The following NRG1 variants were observed in gnomAD, a reference collection of about 807,000 sequenced individuals.
NRG1 encodes the protein neuregulin 1, also known as pro-neuregulin-1, membrane-bound isoform.
Under a neutral mutation model 63.8 loss-of-function variants are expected in NRG1, and 18 were observed. That is an observed-to-expected ratio of 0.28 (90% CI 0.19 to 0.42). The LOEUF (loss-of-function observed/expected upper bound fraction) is 0.42, where lower values mean the gene tolerates loss of function less well. Among genes scored for constraint, NRG1 ranks in the 10% least tolerant of loss-of-function variants. The pLI, the probability that NRG1 is intolerant of heterozygous loss-of-function variation, is 1.00. For synonymous variants in NRG1, 302 were observed against 301.3 expected, an observed-to-expected ratio of 1.00 and a Z score of -0.02; for missense variants, 762 against 814.7, an observed-to-expected ratio of 0.94 and a Z score of 0.79.
At chr8:31,840,349 C>CTTTTTTTTTTTTTTTTTTTTT (rs71992716) in intron 1 of NRG1, among the ~76,000 whole-genome samples, 1 of 116,866 alleles carries the variant, frequency 8.6e-6, no homozygotes, top group Non-Finnish European at 1.7e-5. Flanking sequence ...TATTCTCTGT[C>CTTTTTTTTTTTTTTTTTTTTT]TTTTTTTTTT....
chr8:32,740,816 T>C (rs1251436885), intron 6 of NRG1, among the ~76,000 whole-genome samples: 1 of 152,236 alleles, frequency 6.6e-6, no homozygotes, highest in Non-Finnish European at 1.5e-5. Context: ...GTTTTGTTCA[T>C]ATCTCTTTGA....
chr8:32,523,894 C>G (rs1024708514), intron 1 of NRG1, among the ~76,000 whole-genome samples: 1 of 152,008 alleles, frequency 6.6e-6, no homozygotes, highest in Non-Finnish European at 1.5e-5. Context: ...ATAGGAGTTG[C>G]AAACAGTAGG....
chr8:32,284,974 T>C (rs757123343), intron 1 of NRG1, among the ~76,000 whole-genome samples: 1 of 152,174 alleles, frequency 6.6e-6, no homozygotes, highest in Non-Finnish European at 1.5e-5. Flanking sequence ...TGGATAACAT[T>C]TTCCTTTGCA....
At chr8:32,264,620 C>T (rs1411186649) in intron 1 of NRG1, among the ~76,000 whole-genome samples, 4 of 152,152 alleles carry the variant, frequency 2.6e-5, no homozygotes, top group Admixed American at 1.3e-4. Flanking sequence ...ATTTGCAATG[C>T]ACTGTGGTAA....
chr8:31,921,121 T>A (rs1353151371), intron 1 of NRG1, among the ~76,000 whole-genome samples: 1 of 152,190 alleles, frequency 6.6e-6, no homozygotes, highest in Admixed American at 6.5e-5. Flanking sequence ...AATACCTTCC[T>A]ACTGAGGTAC....
intron 1 of NRG1, among the ~76,000 whole-genome samples, chr8:32,463,874 C>CTTTTTTTTTTTTATTTTTTTT (rs1822664164): frequency 2.4e-5 from 1 of 42,338 alleles, no homozygotes; most frequent in Non-Finnish European, 4.2e-5. Flanking sequence ...ACTTAGAATT[C>CTTTTTTTTTTTTATTTTTTTT]TTTTTTTTTT....
At chr8:32,411,496 T>C (rs993808854) in intron 1 of NRG1, among the ~76,000 whole-genome samples, 3 of 152,242 alleles carry the variant, frequency 2.0e-5, no homozygotes, top group African/African-American at 7.2e-5. Context: ...TCCAGTTTTC[T>C]ATCCAAGAGG....
intron 1 of NRG1, among the ~76,000 whole-genome samples, chr8:32,141,598 A>ATG (rs1563833740): frequency 1.3e-5 from 1 of 76,986 alleles, no homozygotes; most frequent in East Asian, 4.4e-4. Flanking sequence ...GTGGGTATAT[A>ATG]TATATATATA....
intron 1 of NRG1, among the ~76,000 whole-genome samples, chr8:31,996,285 C>T (rs1811953718): frequency 6.6e-6 from 1 of 151,886 alleles, no homozygotes; most frequent in South Asian, 2.1e-4. Context: ...AAACAAAAGT[C>T]TATGTCCAGT....
At chr8:32,763,705 C>T (rs1283126485) in intron 11 of NRG1, 43 bp from the exon 12 acceptor site, 38 of 1,511,036 alleles carry the variant, frequency 2.5e-5, no homozygotes, top group Non-Finnish European at 3.4e-5. Context: ...CTATGTGCCT[C>T]TTATTGCACC....
chr8:32,311,086 G>C (rs1473449582), intron 1 of NRG1, among the ~76,000 whole-genome samples: 1 of 152,084 alleles, frequency 6.6e-6, no homozygotes, highest in Non-Finnish European at 1.5e-5. Flanking sequence ...CTGCTATGTA[G>C]TACCAGTCAG....
intron 9 of NRG1, among the ~76,000 whole-genome samples, chr8:32,758,298 T>G (rs1830029462): frequency 6.6e-6 from 1 of 152,090 alleles, no homozygotes; most frequent in African/African-American, 2.4e-5. Flanking sequence ...AGACTCTGAC[T>G]AGGCATGGTG....
Position 31,639,877 on chromosome 8 carries a change from G to C in NRG1, c.37+446G>C, listed in dbSNP as rs1028961896. ...TAAATAAATAAAAGGAGGAGGGCAA[G>C]GGGGGAGGAGGAGGAGTGGTGCTGC... is the stretch of plus-strand genomic sequence containing the variant. On this transcript the variant is annotated intron_variant, in intron 1 of 10. Coordinates refer to the NRG1 transcript ENST00000519301. The C allele has an allele frequency of 5.5e-6, 6 of 1,092,078 alleles. No individual in the cohort carries two copies. The African/African-American group carries it at 6.7e-5, about 12-fold the overall frequency. The allele number at this position is 1,092,078 out of a possible 1,614,324, so 67.6% of individuals were successfully genotyped here. A position where few individuals can be genotyped will look rare whatever the true frequency, so the allele number is the denominator to read the frequency against.
chr8:32,002,504 A>G (rs1469419844), intron 1 of NRG1, among the ~76,000 whole-genome samples: 2 of 150,908 alleles, frequency 1.3e-5, no homozygotes, highest in Non-Finnish European at 3.0e-5. Context: ...TGCCCCTCTG[A>G]CGTTTCCCAT....
intron 5 of NRG1, among the ~76,000 whole-genome samples, chr8:32,655,463 C>A (rs1801261151): frequency 6.6e-6 from 1 of 152,056 alleles, no homozygotes; most frequent in Non-Finnish European, 1.5e-5. Flanking sequence ...GGTTACTGTA[C>A]CTAAAGAAAA....
At chr8:32,567,153 A>T (rs890221405) in intron 1 of NRG1, among the ~76,000 whole-genome samples, 3 of 152,152 alleles carry the variant, frequency 2.0e-5, no homozygotes, top group Non-Finnish European at 4.4e-5. Flanking sequence ...CATTCTTTGG[A>T]TGAATTGACT....
chr8:32,478,995 G>T (rs950998943), intron 1 of NRG1, among the ~76,000 whole-genome samples: 3 of 152,176 alleles, frequency 2.0e-5, no homozygotes, highest in African/African-American at 7.2e-5. Flanking sequence ...AAATTCTTAA[G>T]ATAACATCTG....
intron 1 of NRG1, among the ~76,000 whole-genome samples, chr8:31,763,226 A>T (rs1444588276): frequency 1.3e-5 from 2 of 152,242 alleles, no homozygotes; most frequent in Non-Finnish European, 2.9e-5. Context: ...TATAATGATG[A>T]AACATTAAAA....
intron 1 of NRG1, among the ~76,000 whole-genome samples, chr8:31,772,419 G>T (rs994690175): frequency 6.6e-6 from 1 of 152,072 alleles, no homozygotes; most frequent in African/African-American, 2.4e-5. Flanking sequence ...ATGCCTTTGC[G>T]GACAGATTCA....
Sources: allele counts gnomAD v4.1 joint callset (sites outside exome capture counted in the v4.1 genomes callset), GRCh38; gene constraint gnomAD v4.1.1; transcripts MANE v1.5; gene names NCBI Gene and HGNC (gene_info 2026-07-23, HGNC 2026-07-21).